The following ARHGAP21 variants were observed in gnomAD, a reference collection of about 807,000 sequenced individuals.
The protein encoded by ARHGAP21 is Rho GTPase activating protein 21, also known as rho GTPase-activating protein 21.
A neutral mutation model predicts 164.6 loss-of-function variants in ARHGAP21; 38 were observed. The ratio of observed to expected loss-of-function variants is 0.23; its 90% CI spans 0.18 to 0.30. The LOEUF is 0.30. Among genes scored for constraint, ARHGAP21 ranks in the 10% least tolerant of loss-of-function variants. The pLI is 1.00. For missense variants in ARHGAP21, 1,822 were observed against 2,370.7 expected, an observed-to-expected ratio of 0.77 and a Z score of 4.81; for synonymous variants, 766 against 857.9, an observed-to-expected ratio of 0.89 and a Z score of 1.87.
chr10:24,708,667 G>T (rs1844478383), intron 2 of ARHGAP21, among the ~76,000 whole-genome samples: 1 of 152,172 alleles, frequency 6.6e-6, no homozygotes. Context: ...TTATGAGCGA[G>T]AACATGCAAT....
intron 2 of ARHGAP21, among the ~76,000 whole-genome samples, chr10:24,713,335 G>C (rs76866939): frequency 1.3e-5 from 2 of 152,154 alleles, no homozygotes; most frequent in African/African-American, 2.4e-5. Context: ...AACATAGTAA[G>C]TAACCAATTC....
chr10:24,587,893 T>C (rs1231823968), intron 25 of ARHGAP21, among the ~76,000 whole-genome samples: 2 of 152,210 alleles, frequency 1.3e-5, no homozygotes, highest in African/African-American at 2.4e-5. Context: ...ATATCCACTA[T>C]ATTACAGGCA....
intron 2 of ARHGAP21, among the ~76,000 whole-genome samples, chr10:24,692,360 G>T (rs947715893): frequency 1.3e-5 from 2 of 151,930 alleles, no homozygotes; most frequent in African/African-American, 4.8e-5. Context: ...GATTACGGGG[G>T]GAAAAACTGG....
At chr10:24,629,913 C>G (rs1835692634) in intron 7 of ARHGAP21, 83 bp downstream of exon 7, 1 of 975,054 alleles carries the variant, frequency 1.0e-6, no homozygotes, top group Non-Finnish European at 1.6e-6. Flanking sequence ...TTTTAAATTC[C>G]ATCTTTAATA....
chr10:24,710,095 G>C (rs145112979), intron 2 of ARHGAP21, among the ~76,000 whole-genome samples: 5 of 152,242 alleles, frequency 3.3e-5, no homozygotes, highest in African/African-American at 1.2e-4. Flanking sequence ...TGAGTACATT[G>C]AAAGGACTCA....
intron 4 of ARHGAP21, among the ~76,000 whole-genome samples, chr10:24,656,055 CG>C (rs1404177608): frequency 2.7e-5 from 4 of 147,072 alleles, no homozygotes; most frequent in Non-Finnish European, 6.0e-5. Context: ...CCCCTCCGCC[CG>C]GCAGCTGCCC....
intron 2 of ARHGAP21, among the ~76,000 whole-genome samples, chr10:24,710,759 T>C (rs1038282661): frequency 6.6e-6 from 1 of 152,180 alleles, no homozygotes; most frequent in African/African-American, 2.4e-5. Context: ...AGGGTCATTA[T>C]CATCAGTTGT....
intron 7 of ARHGAP21, among the ~76,000 whole-genome samples, chr10:24,627,456 T>A (rs1835252028): frequency 1.3e-5 from 1 of 76,046 alleles, no homozygotes; most frequent in Admixed American, 1.2e-4. Flanking sequence ...TACATTCAAA[T>A]GTGAATTAAG....
At chr10:24,638,967 C>T (rs558346705) in intron 4 of ARHGAP21, among the ~76,000 whole-genome samples, 87 of 152,130 alleles carry the variant, frequency 5.7e-4, no homozygotes, top group Admixed American at 2.5e-3. Flanking sequence ...AATACACATA[C>T]GTCTACAATG....
chr10:24,648,803 A>G, intron 4 of ARHGAP21: 3 of 981,822 alleles, frequency 3.1e-6, no homozygotes, highest in Non-Finnish European at 3.6e-6. Context: ...AAAAATCATC[A>G]TAGGTCAAAA....
Position 24,588,094 on chromosome 10 carries a change from G to A in ARHGAP21, c.4182+1177C>T, listed in dbSNP as rs1355026177. Among the ~76,000 whole-genome samples, 5 of 152,106 alleles carry A rather than the reference G, an allele frequency of 3.3e-5. No homozygotes were observed. The East Asian group carries it at 9.6e-4, about 29-fold the overall frequency. Reference sequence around the variant, plus strand: ...AAAGAGATTTGACAAAGAAATGCAAGGAATGATCCTTGACTGCATTCTGTA... The same window carrying A: ...AAAGAGATTTGACAAAGAAATGCAAAGAATGATCCTTGACTGCATTCTGTA... On this transcript the variant is annotated intron_variant, in intron 25 of 25. Transcript: ENST00000396432.
At chr10:24,603,682 A>C (rs935775563) in intron 12 of ARHGAP21, among the ~76,000 whole-genome samples, 2 of 152,030 alleles carry the variant, frequency 1.3e-5, no homozygotes, top group Non-Finnish European at 2.9e-5. Flanking sequence ...AAGAATAAGG[A>C]AGGCAGCAAG....
At chr10:24,675,534 G>A (rs574157963) in intron 2 of ARHGAP21, among the ~76,000 whole-genome samples, 23 of 152,242 alleles carry the variant, frequency 1.5e-4, no homozygotes, top group East Asian at 1.9e-4. Flanking sequence ...TAAACTTACC[G>A]AACTGTACAG....
At chr10:24,608,566 T>C (rs1216866002) in intron 9 of ARHGAP21, among the ~76,000 whole-genome samples, 1 of 152,178 alleles carries the variant, frequency 6.6e-6, no homozygotes, top group Non-Finnish European at 1.5e-5. Context: ...TGTTAAAGAA[T>C]ATACTACAAT....
chr10:24,653,560 G>C (rs1014723283), intron 4 of ARHGAP21, among the ~76,000 whole-genome samples: 2 of 151,082 alleles, frequency 1.3e-5, no homozygotes, highest in Admixed American at 1.3e-4. Flanking sequence ...GCGACAGAGA[G>C]AGACTCTGTC....
intron 1 of ARHGAP21, chr10:24,722,840 A>G (rs1846065226): frequency 6.6e-6 from 1 of 151,068 alleles, no homozygotes; most frequent in Admixed American, 6.6e-5. Flanking sequence ...CTGGGTGGGG[A>G]CGGCCGGGGA....
intron 2 of ARHGAP21, among the ~76,000 whole-genome samples, chr10:24,673,851 AC>A (rs1840954573): frequency 6.6e-6 from 1 of 152,102 alleles, no homozygotes; most frequent in Admixed American, 6.5e-5. Context: ...GCAGAGTGAG[AC>A]TCTGTCTCAA....
Position 24,718,037 on chromosome 10 carries a change from T to C in ARHGAP21, c.63+3800A>G, listed in dbSNP as rs192008500. ...TGCGGAAGGGGACAAGGCTAAGTTA[T>C]TGGGAAACTCCGTAGGGAATCTGTT... On this transcript the variant is annotated intron_variant, in intron 2 of 25. Coordinates refer to ENST00000396432, the MANE Select transcript of ARHGAP21 (RefSeq NM_020824.4). Among the ~76,000 whole-genome samples the C allele has an allele frequency of 1.0e-3, 153 of 152,238 alleles. 1 individual carries two copies. Among genetic ancestry groups the C allele is most frequent in the African/African-American group, 3.6e-3 (148 of 41,562 alleles).
At chr10:24,694,312 G>C (rs1292688811) in intron 2 of ARHGAP21, among the ~76,000 whole-genome samples, 1 of 152,258 alleles carries the variant, frequency 6.6e-6, no homozygotes, top group Non-Finnish European at 1.5e-5. Context: ...GCTATCCTTA[G>C]AAAGGCCAGC....
Sources: allele counts gnomAD v4.1 joint callset (sites outside exome capture counted in the v4.1 genomes callset), GRCh38; gene constraint gnomAD v4.1.1; transcripts MANE v1.5; gene names NCBI Gene and HGNC (gene_info 2026-07-23, HGNC 2026-07-21).